Variants in WHAMM observed in about 807,000 individuals in gnomAD.
WHAMM encodes WASP homolog-associated protein with actin, membranes and microtubules.
WHAMM carries 67 observed loss-of-function variants against 76.5 expected under a neutral mutation model. The ratio of observed to expected loss-of-function variants is 0.88; its 90% CI spans 0.72 to 1.07. The LOEUF (loss-of-function observed/expected upper bound fraction) is 1.07, where lower values mean the gene tolerates loss of function less well. Ranked by LOEUF, WHAMM falls within the 50% of genes least tolerant of loss-of-function variation. The pLI, the probability that WHAMM is intolerant of heterozygous loss-of-function variation, is 0.00. For synonymous variants in WHAMM, 419 were observed against 422.1 expected, an observed-to-expected ratio of 0.99 and a Z score of 0.09; for missense variants, 1,021 against 1,051.1, an observed-to-expected ratio of 0.97 and a Z score of 0.40.
chr15:82,830,811 C>T lies in WHAMM; in HGVS notation c.1854C>T (p.Val618=). 7 of 1,609,998 alleles carry T rather than the reference C, an allele frequency of 4.3e-6. No homozygotes were observed. The highest frequency in any genetic ancestry group is 5.9e-6 in the Non-Finnish European group (7 of 1,177,788). Residue 618 remains valine, a synonymous_variant, in exon 9 of 10, where the codon GTC becomes GTT. Coordinates refer to ENST00000286760, the MANE Select transcript of WHAMM (RefSeq NM_001080435.3). ...AAAACTGTCATGGAAATATCCCTGT[C>T]CAGGTTTTTGTTCCAGTTGGTGATC... ...KCQNCHGNIP[V]QVFVPVGDQT... is the part of the protein sequence containing the mutation.
chr15:82,832,444 C>T (rs1284500251), intron 9 of WHAMM, among the ~76,000 whole-genome samples: 2 of 152,152 alleles, frequency 1.3e-5, no homozygotes, highest in African/African-American at 2.4e-5. Flanking sequence ...GGCCTGTCTC[C>T]AGCAGGCGAT....
At chr15:82,818,258 T>G (rs1344025798) in intron 4 of WHAMM, among the ~76,000 whole-genome samples, 169 bp downstream of exon 4, 1 of 152,220 alleles carries the variant, frequency 6.6e-6, no homozygotes, top group East Asian at 1.9e-4. Flanking sequence ...TTGTACCTAT[T>G]AAATATTTCT....
intron 1 of WHAMM, 92 bp downstream of exon 1, chr15:82,810,427 G>GGCTGACGGGGAGGA (rs2050608556): frequency 8.2e-7 from 1 of 1,221,792 alleles, no homozygotes; most frequent in Admixed American, 4.4e-5. Flanking sequence ...CCTGGCTGAC[G>GGCTGACGGGGAGGA]GCTGACGGGG....
Position 82,809,666 on chromosome 15 carries a change from G to A in WHAMM, c.-61G>A. 1.6e-6 allele frequency: 2 copies of A among 1,283,070 alleles called. No homozygotes were observed. The highest frequency in any genetic ancestry group is 2.0e-6 in the Non-Finnish European group (2 of 992,340). 79.5% of individuals were successfully genotyped at this position (1,283,070 alleles called of 1,614,324 possible). On this transcript the variant is annotated 5_prime_UTR_variant, in exon 1 of 10. Coordinates refer to ENST00000286760, the MANE Select transcript of WHAMM (RefSeq NM_001080435.3). ...ATTTGGCTCGGACTGTCCCGTGACA[G>A]GCGGTGCGAGGAGGCCAGGCCCGCG...
chr15:82,810,090 C>A lies in WHAMM; in HGVS notation c.364C>A (p.Leu122Met). Residue 122 changes from leucine (L) to methionine (M), a missense_variant, in exon 1 of 10, where the codon CTG becomes ATG. Physicochemically the swap from Leu to Met is conservative, Grantham distance 15 (BLOSUM62 2). Transcript: ENST00000286760. ...CGTGGGCGGCGGCGGGGCCTGGGGT[C>A]TGGGGCTCGGGCTGTGGGCGCTGCT... Reference protein sequence around the residue: ...LDVGGGGAWGLGLGLWALLWP... With the variant: ...LDVGGGGAWGMGLGLWALLWP... The A allele has an allele frequency of 1.6e-6, 2 of 1,255,130 alleles. No homozygotes were observed. Among genetic ancestry groups the A allele is most frequent in the South Asian group, 5.1e-5 (2 of 39,416 alleles). 77.7% of individuals were successfully genotyped at this position (1,255,130 alleles called of 1,614,324 possible). A position where few individuals can be genotyped will look rare whatever the true frequency, so the allele number is the denominator to read the frequency against.
rs752908173 is a variant in WHAMM, at chr15:82,826,410, G to A, written c.1459G>A (p.Asp487Asn). 2 of 1,613,866 alleles carry A rather than the reference G, an allele frequency of 1.2e-6. No homozygotes were observed. Among genetic ancestry groups the A allele is most frequent in the South Asian group, 1.1e-5 (1 of 91,066 alleles). ...AKRASLRSRK[D>N]QCKENHRFRL... The stretch of plus-strand genomic sequence containing the variant: ...TAGGTGATTTGTATTATTCCACCAG[G>A]ATCAGTGCAAAGAAAATCATCGGTT... The change falls in exon 7 of 10, where the codon GAT becomes AAT. Residue 487 changes from aspartate (D) to asparagine (N), a missense_variant and splice_region_variant. Transcript: ENST00000286760.
In WHAMM at chr15:82,816,782, G is replaced by C. The variant is rs1566992605; in HGVS notation, c.874G>C (p.Val292Leu). Residue 292 changes from valine (V) to leucine (L), a missense_variant, in exon 3 of 10, where the codon GTC becomes CTC. Around this residue, in one of 3 missense-constraint regions of WHAMM, gnomAD observed 501 missense variants for 524.9 expected, o/e 0.95. Transcript: ENST00000286760. ...ATGGACCAGACGGGCTGAAGAAGCT[G>C]TCGTCTCTATTCAGGATATCACAGT... ...EEWTRRAEEA[V>L]VSIQDITVNY... The C allele has an allele frequency of 2.6e-6, 4 of 1,563,058 alleles. No individual in the cohort carries two copies. The highest frequency in any genetic ancestry group is 3.5e-6 in the Non-Finnish European group (4 of 1,152,372).
At chr15:82,811,205 G>C (rs1049349379) in intron 1 of WHAMM, among the ~76,000 whole-genome samples, 1 of 152,008 alleles carries the variant, frequency 6.6e-6, no homozygotes, top group African/African-American at 2.4e-5. Flanking sequence ...TTTTTGTACT[G>C]TGGGTTTTAT....
At chr15:82,819,576 A>G in intron 5 of WHAMM, 88 bp downstream of exon 5, 1 of 712,440 alleles carries the variant, frequency 1.4e-6, no homozygotes, top group Non-Finnish European at 2.1e-6. Context: ...TGTAAATTAT[A>G]ACATCTGAAA....
At chr15:82,820,896 CAAAAAAAAAAA>C (rs60974626) in intron 5 of WHAMM, among the ~76,000 whole-genome samples, 3 of 119,626 alleles carry the variant, frequency 2.5e-5, no homozygotes, top group African/African-American at 6.5e-5. Flanking sequence ...GACTCTGTCT[CAAAAAAAAAAA>C]AAAAAAAAAA....
Position 82,818,005 on chromosome 15 carries a change from G to T in WHAMM, c.1020G>T (p.Gln340His). The change falls in exon 4 of 10, where the codon CAG (glutamine) becomes CAT (histidine). Residue 340 changes from glutamine (Q) to histidine (H), a missense_variant. Around this residue, in one of 3 missense-constraint regions of WHAMM, gnomAD observed 501 missense variants for 524.9 expected, o/e 0.95. Transcript: ENST00000286760. ...ATAIPRLEKL[Q>H]LMLARETLQL... Reference sequence around the variant, plus strand: ...CAATTCCCAGGTTGGAAAAACTTCAGCTAATGCTAGCTCGAGAGACTCTGC... The same window carrying T: ...CAATTCCCAGGTTGGAAAAACTTCATCTAATGCTAGCTCGAGAGACTCTGC... The T allele has an allele frequency of 1.9e-6, 3 of 1,549,162 alleles. No individual in the cohort carries two copies. The highest frequency in any genetic ancestry group is 2.6e-6 in the Non-Finnish European group (3 of 1,146,484).
At chr15:82,820,879 A>C (rs60686632) in intron 5 of WHAMM, among the ~76,000 whole-genome samples, 19,429 of 143,938 alleles carry the variant, frequency 0.13, 1,401 homozygotes, top group East Asian at 0.2. Context: ...TGGGCGGCAG[A>C]GTGTAAGACT....
rs376698866 is a variant in WHAMM, at chr15:82,833,490, C to A, written c.2384C>A (p.Ser795Tyr). The stretch of plus-strand genomic sequence containing the variant: ...AGAATCAAGAGGGTGTCTGCTGACT[C>A]TGAGGAGGACAGTGATGAGCAGGAC... Reference protein sequence around the residue: ...LQRIKRVSADSEEDSDEQDPG... With the variant: ...LQRIKRVSADYEEDSDEQDPG... The change falls in exon 10 of 10, where the codon TCT becomes TAT. Residue 795 changes from serine (S) to tyrosine (Y), a missense_variant. This residue lies in a region of WHAMM where 509 missense variants were observed against 492.3 expected (regional missense o/e 1.03). Transcript: ENST00000286760. 3.1e-6 allele frequency: 5 copies of A among 1,613,870 alleles called. No homozygotes were observed. Among genetic ancestry groups the A allele is most frequent in the Non-Finnish European group, 3.4e-6 (4 of 1,179,904 alleles).
chr15:82,831,114 AGTT>A (rs773513379), intron 9 of WHAMM, 35 bp downstream of exon 9: 7 of 1,587,838 alleles, frequency 4.4e-6, no homozygotes, highest in South Asian at 1.1e-5. Context: ...GCTCCCCATG[AGTT>A]GTTAAGCTGT....
Position 82,809,772 on chromosome 15 carries a change from C to T in WHAMM, c.46C>T (p.Arg16Trp), listed in dbSNP as rs1441051699. 2 of 1,591,982 alleles carry T rather than the reference C, an allele frequency of 1.3e-6. No homozygotes were observed. Among genetic ancestry groups the T allele is most frequent in the Non-Finnish European group, 1.7e-6 (2 of 1,170,270 alleles). Residue 16 changes from arginine (R) to tryptophan (W), a missense_variant, in exon 1 of 10, where the codon CGG (arginine) becomes TGG (tryptophan). Transcript: ENST00000286760. ...PDSLEGWVPV[R>W]EGLFAEPERH... is the part of the protein sequence containing the mutation. Reference sequence around the variant, plus strand: ...CAGCCTGGAGGGCTGGGTGCCGGTCCGGGAGGGCCTCTTCGCCGAGCCCGA... The same window carrying T: ...CAGCCTGGAGGGCTGGGTGCCGGTCTGGGAGGGCCTCTTCGCCGAGCCCGA...
chr15:82,810,170 G>A lies in WHAMM; in HGVS notation c.444G>A (p.Gln148=), dbSNP rs759919267. 7.1e-7 allele frequency: 1 copy of A among 1,402,226 alleles called. No individual in the cohort carries two copies. The highest frequency in any genetic ancestry group is 1.4e-5 in the South Asian group (1 of 71,818). 86.9% of individuals were successfully genotyped at this position (1,402,226 alleles called of 1,614,324 possible). Residue 148 remains glutamine (Q), a synonymous_variant, in exon 1 of 10, where the codon CAG becomes CAA. Transcript: ENST00000286760. ...CGGCGCTGCAGGAGCTGTGCGGGCAGCTGGAACGCTATCTGGGCGCGGCGG... is the reference window on the plus strand; with the variant it reads ...CGGCGCTGCAGGAGCTGTGCGGGCAACTGGAACGCTATCTGGGCGCGGCGG... The part of the protein sequence containing the change: ...GEAALQELCG[Q]LERYLGAAAD...
In WHAMM at chr15:82,830,980, G is replaced by A. The variant is rs2051023131; in HGVS notation, c.2023G>A (p.Gly675Ser). Residue 675 changes from glycine to serine, a missense_variant, in exon 9 of 10, where the codon GGC (glycine) becomes AGC (serine). Around this residue, in one of 3 missense-constraint regions of WHAMM, gnomAD observed 509 missense variants for 492.3 expected, o/e 1.03. Transcript: ENST00000286760. ...SSQAATHQNLGFRAPVKDDQP... is the reference protein window; with the variant it reads ...SSQAATHQNLSFRAPVKDDQP... ...TCAAGCTGCAACTCATCAGAACTTA[G>A]GCTTCCGGGCTCCAGTGAAAGATGA... is the stretch of plus-strand genomic sequence containing the variant. 1.3e-6 allele frequency: 2 copies of A among 1,505,630 alleles called. No homozygotes were observed. Among genetic ancestry groups the A allele is most frequent in the African/African-American group, 1.5e-5 (1 of 65,206 alleles). The allele number at this position is 1,505,630 out of a possible 1,614,324, so 93.3% of individuals were successfully genotyped here. A position where few individuals can be genotyped will look rare whatever the true frequency, so the allele number is the denominator to read the frequency against.
rs2051106172 is a variant in WHAMM at position 82,834,836 on chromosome 15, T to TAAAC, written c.*1302_*1305dup. ...TGAAAGTTTTTAATAAAATTTTAGCTAAACATTTGTTTAAGTGAATACTAA... is the reference window on the plus strand; with the variant it reads ...TGAAAGTTTTTAATAAAATTTTAGCTAAACAAACATTTGTTTAAGTGAATACTAA... On this transcript the variant is annotated 3_prime_UTR_variant, in exon 10 of 10. Transcript: ENST00000286760. 1 of 152,228 alleles carries TAAAC rather than the reference T, an allele frequency of 6.6e-6. No homozygotes were observed. Among genetic ancestry groups the TAAAC allele is most frequent in the Non-Finnish European group, 1.5e-5 (1 of 68,030 alleles). The allele number at this position is 152,228 out of a possible 1,614,324, so 9.4% of individuals were successfully genotyped here. A position where few individuals can be genotyped will look rare whatever the true frequency, so the allele number is the denominator to read the frequency against.
In WHAMM at chr15:82,833,567, T is replaced by C. The variant is rs1442546567; in HGVS notation, c.*31T>C. On this transcript the variant is annotated 3_prime_UTR_variant, in exon 10 of 10. Transcript: ENST00000286760. ...AGTTTGACAAAGGCACCTGCCACAGTAGGCTTGAATAAAGTGGGTGAGTCT... is the reference window on the plus strand; with the variant it reads ...AGTTTGACAAAGGCACCTGCCACAGCAGGCTTGAATAAAGTGGGTGAGTCT... 6.2e-7 allele frequency: 1 copy of C among 1,604,780 alleles called. No homozygotes were observed. The highest frequency in any genetic ancestry group is 8.5e-7 in the Non-Finnish European group (1 of 1,176,400).
Sources: gnomAD v4.1 joint callset for allele counts (sites outside exome capture counted in the v4.1 genomes callset) on GRCh38, gnomAD v4.1.1 for gene constraint, gnomAD v4.1.1 regional missense constraint, MANE v1.5 for transcripts, NCBI Gene and HGNC (gene_info 2026-07-23, HGNC 2026-07-21) for gene names.